ATP13A5: variants seen among roughly 807,000 people sequenced by gnomAD.
The protein encoded by ATP13A5 is probable cation-transporting ATPase 13A5.
ATP13A5 carries 149 observed loss-of-function variants against 150.2 expected under a neutral mutation model. That is an observed-to-expected ratio of 0.99 (90% CI 0.87 to 1.14). The LOEUF is 1.14. Ranked by LOEUF, ATP13A5 falls within the 50% of genes most tolerant of loss-of-function variation. ATP13A5 has a pLI of 0.00. For missense variants in ATP13A5, 1,383 were observed against 1,449.3 expected (o/e 0.95, Z 0.74); for synonymous variants, 497 against 522.2 (o/e 0.95, Z 0.66).
chr3:193,320,614 A>T (rs1312184739), intron 16 of ATP13A5, among the ~76,000 whole-genome samples: 2 of 146,272 alleles, frequency 1.4e-5, no homozygotes, highest in African/African-American at 5.1e-5. Context: ...TATGCTGAAG[A>T]TCAAAGACAG....
At chr3:193,356,869 G>T (rs1712812878) in intron 5 of ATP13A5, among the ~76,000 whole-genome samples, 1 of 151,876 alleles carries the variant, frequency 6.6e-6, no homozygotes, top group African/African-American at 2.4e-5. Context: ...AGGCTGGAGT[G>T]CATTGGCACA....
intron 7 of ATP13A5, among the ~76,000 whole-genome samples, chr3:193,347,096 G>T (rs577452867): frequency 2.0e-5 from 3 of 152,258 alleles, no homozygotes; most frequent in Admixed American, 1.3e-4. Flanking sequence ...ATACCTTCAA[G>T]CTCTAAAATG....
chr3:193,322,556 C>A lies in ATP13A5; in HGVS notation c.1693G>T (p.Val565Leu). The change falls in exon 15 of 30, where the codon GTA becomes TTA. Residue 565 changes from valine (V) to leucine (L), a missense_variant. By Grantham distance (32) the Val-to-Leu change is conservative (BLOSUM62 1). Around this residue, in one of 3 missense-constraint regions of ATP13A5, gnomAD observed 787 missense variants for 771.9 expected, o/e 1.02. Transcript: ENST00000342358. ...GACGTCCCAAATTTGCAGGAGTCTA[C>A]AATGCAATCTTCCATTTTCTGTTAT... ...GTAWKMEDCI[V>L]DSCKFGTSVS... is the part of the protein sequence containing the mutation. 3 of 1,611,792 alleles carry A rather than the reference C, an allele frequency of 1.9e-6. No individual in the cohort carries two copies. Among genetic ancestry groups the A allele is most frequent in the Non-Finnish European group, 2.5e-6 (3 of 1,178,432 alleles).
intron 1 of ATP13A5, among the ~76,000 whole-genome samples, chr3:193,377,874 C>T (rs1462987003): frequency 6.6e-6 from 1 of 152,178 alleles, no homozygotes; most frequent in East Asian, 1.9e-4. Context: ...GAGAAGGAGT[C>T]GGCTGGATTC....
intron 2 of ATP13A5, 58 bp downstream of exon 2, chr3:193,364,049 G>GAGGC: frequency 1.3e-6 from 2 of 1,545,232 alleles, no homozygotes; most frequent in Non-Finnish European, 1.8e-6. Context: ...TTATGCCACA[G>GAGGC]AGGCAATACA....
At chr3:193,324,714 G>T in intron 14 of ATP13A5, 150 bp downstream of exon 14, 1 of 782,304 alleles carries the variant, frequency 1.3e-6, no homozygotes. Flanking sequence ...ATTCTTTGGG[G>T]GCACAGGTTG....
chr3:193,328,920 C>T (rs973628997), intron 12 of ATP13A5, among the ~76,000 whole-genome samples: 2 of 152,154 alleles, frequency 1.3e-5, no homozygotes, highest in African/African-American at 2.4e-5. Context: ...AACTCAGAGA[C>T]GATTGTGGTT....
At chr3:193,345,131 A>G (rs755757766) in intron 7 of ATP13A5, 56 bp from the exon 8 acceptor site, 16 of 1,496,372 alleles carry the variant, frequency 1.1e-5, no homozygotes, top group Admixed American at 1.7e-5. Flanking sequence ...TGAAAACCAC[A>G]TGATCTCATT....
At chr3:193,320,465 G>A (rs555328472) in intron 16 of ATP13A5, among the ~76,000 whole-genome samples, 2 of 152,282 alleles carry the variant, frequency 1.3e-5, no homozygotes, top group South Asian at 4.1e-4. Flanking sequence ...CCAAGTGACA[G>A]GCCCAAATCC....
intron 27 of ATP13A5, among the ~76,000 whole-genome samples, chr3:193,280,493 A>G (rs1717439887): frequency 1.3e-5 from 2 of 152,236 alleles, no homozygotes; most frequent in Admixed American, 1.3e-4. Flanking sequence ...TGACCATTTG[A>G]AAGTGGCTTT....
intron 21 of ATP13A5, among the ~76,000 whole-genome samples, chr3:193,308,309 A>C (rs1299338550): frequency 1.3e-5 from 2 of 151,998 alleles, no homozygotes; most frequent in Admixed American, 1.3e-4. Context: ...GATAGAAAAA[A>C]TCAGCTGGGC....
chr3:193,362,777 C>A (rs1168962927), intron 3 of ATP13A5, 140 bp from the exon 4 acceptor site: 1 of 502,254 alleles, frequency 2.0e-6, no homozygotes, highest in Admixed American at 3.4e-5. Context: ...TTCTTTCTTT[C>A]TTTCTTTCTT....
At chr3:193,365,866 A>G (rs944653892) in intron 1 of ATP13A5, among the ~76,000 whole-genome samples, 1 of 152,084 alleles carries the variant, frequency 6.6e-6, no homozygotes, top group Non-Finnish European at 1.5e-5. Flanking sequence ...TAAGACTGCA[A>G]TGAAAGCACT....
At chr3:193,333,101 C>T (rs1711696748) in intron 11 of ATP13A5, among the ~76,000 whole-genome samples, 1 of 151,698 alleles carries the variant, frequency 6.6e-6, no homozygotes, top group Non-Finnish European at 1.5e-5. Flanking sequence ...GTTACTATGT[C>T]TTTTCCCACC....
At chr3:193,324,336 TTTAAAA>T (rs1324021863) in intron 14 of ATP13A5, among the ~76,000 whole-genome samples, 2 of 152,202 alleles carry the variant, frequency 1.3e-5, no homozygotes, top group Non-Finnish European at 1.5e-5. Context: ...ATTTAAACTA[TTTAAAA>T]TTAAATCAGA....
At chr3:193,308,445 C>T (rs1023296464) in intron 21 of ATP13A5, among the ~76,000 whole-genome samples, 12 of 152,074 alleles carry the variant, frequency 7.9e-5, no homozygotes, top group African/African-American at 2.2e-4. Flanking sequence ...GGCAACAAAG[C>T]GAGACTCTGT....
chr3:193,345,393 T>C (rs3914903), intron 7 of ATP13A5, among the ~76,000 whole-genome samples: 8,655 of 152,106 alleles, frequency 0.057, 733 homozygotes, highest in African/African-American at 0.19. Context: ...GGGAGTTTAA[T>C]TGAGGAAGAG....
At chr3:193,326,865 A>C (rs1030985575) in intron 13 of ATP13A5, 131 bp downstream of exon 13, 1 of 747,852 alleles carries the variant, frequency 1.3e-6, no homozygotes, top group South Asian at 1.6e-5. Flanking sequence ...TAGAATAATT[A>C]GGAACTAGTT....
At chr3:193,314,263 C>A (rs1242986193) in intron 18 of ATP13A5, 70 bp from the exon 19 acceptor site, 4 of 1,496,314 alleles carry the variant, frequency 2.7e-6, no homozygotes, top group Non-Finnish European at 3.6e-6. Flanking sequence ...TGAGGTCTCC[C>A]TTTTCCACTC....
Sources: gnomAD v4.1 joint callset for allele counts (sites outside exome capture counted in the v4.1 genomes callset) on GRCh38, gnomAD v4.1.1 for gene constraint, gnomAD v4.1.1 regional missense constraint, MANE v1.5 for transcripts, NCBI Gene and HGNC (gene_info 2026-07-23, HGNC 2026-07-21) for gene names.